Variants in TRPM7 observed in about 807,000 individuals in gnomAD.
TRPM7 encodes LTRPC ion channel family member 7.
TRPM7 carries 134 observed loss-of-function variants against 229.7 expected under a neutral mutation model. The ratio of observed to expected loss-of-function variants is 0.58; its 90% CI spans 0.51 to 0.67. The LOEUF is 0.67. Among genes scored for constraint, TRPM7 ranks in the 30% least tolerant of loss-of-function variants. TRPM7 has a pLI of 0.00. For synonymous variants in TRPM7, 699 were observed against 715.2 expected, an observed-to-expected ratio of 0.98 and a Z score of 0.36; for missense variants, 1,901 against 2,210.0, an observed-to-expected ratio of 0.86 and a Z score of 2.80.
At chr15:50,639,338 A>G (rs1338243829) in intron 6 of TRPM7, 86 bp downstream of exon 6, 2 of 1,170,682 alleles carry the variant, frequency 1.7e-6, no homozygotes, top group African/African-American at 3.1e-5. Flanking sequence ...TAATATAATC[A>G]TAAATATTTT....
intron 1 of TRPM7, among the ~76,000 whole-genome samples, chr15:50,684,175 C>CA (rs1482394622): frequency 1.4e-5 from 2 of 147,242 alleles, no homozygotes; most frequent in African/African-American, 2.5e-5. Flanking sequence ...TTTTCTGAGA[C>CA]AGAGTCTCAC....
rs376123473 is a variant in TRPM7, at chr15:50,677,225, T to C, written c.3+9306A>G. ...GTGAAGAGGGAGTGAATAAGCTCTC[T>C]GGTATCTCTTCTTCTAAGGACATAA... is the stretch of plus-strand genomic sequence containing the variant. On this transcript the variant is annotated intron_variant, in intron 1 of 38. Coordinates refer to ENST00000646667, the MANE Select transcript of TRPM7 (RefSeq NM_017672.6). Among the ~76,000 whole-genome samples, 377 of 152,262 alleles carry C rather than the reference T, an allele frequency of 2.5e-3. 2 individuals carry two copies. The highest frequency in any genetic ancestry group is 8.7e-3 in the African/African-American group (360 of 41,564).
At position 50,637,502 on chromosome 15, in the gene TRPM7, C is replaced by T; in HGVS notation, c.752G>A (p.Gly251Asp). The T allele has an allele frequency of 1.2e-6, 2 of 1,614,072 alleles. No homozygotes were observed. Among genetic ancestry groups the T allele is most frequent in the Non-Finnish European group, 1.7e-6 (2 of 1,179,998 alleles). Residue 251 changes from glycine to aspartate, a missense_variant, in exon 7 of 39, where the codon GGC (glycine) becomes GAC (aspartate). Transcript: ENST00000646667. ...LHSHFILVDD[G>D]TVGKYGAEVR... ...TTCCGCCCCATACTTTCCAACAGTG[C>T]CATCATCCACCAATATGAAATGGGA...
intron 1 of TRPM7, among the ~76,000 whole-genome samples, chr15:50,679,027 C>G (rs1013620248): frequency 2.0e-5 from 3 of 152,110 alleles, no homozygotes; most frequent in African/African-American, 7.2e-5. Context: ...GTGCGTGCCA[C>G]CACGCCCGGC....
chr15:50,613,659 AAAG>A, intron 15 of TRPM7, 45 bp downstream of exon 15: 3 of 1,437,360 alleles, frequency 2.1e-6, no homozygotes, highest in Non-Finnish European at 2.7e-6. Flanking sequence ...AGTAATTTAG[AAAG>A]AAGAAAATAA....
Position 50,607,266 on chromosome 15 carries a change from TA to T in TRPM7, c.2642del (p.Leu881TyrfsTer32). ...TFVVLVQMEQLPSVQEWIVIA... is the reference protein window; with the variant it reads ...TFVVLVQMEQXPSVQEWIVIA... ...TAACAATCCATTCTTGAACTGAAGGTAACTGTTCCATTTGTACAAGAACCAC... is the reference window on the plus strand; with the variant it reads ...TAACAATCCATTCTTGAACTGAAGGTACTGTTCCATTTGTACAAGAACCAC... On this transcript the variant is annotated frameshift_variant, in exon 20 of 39. Transcript: ENST00000646667. LOFTEE classifies it high-confidence loss of function. 1 of 1,608,496 alleles carries T rather than the reference TA, an allele frequency of 6.2e-7. No homozygotes were observed. Among genetic ancestry groups the T allele is most frequent in the Non-Finnish European group, 8.5e-7 (1 of 1,176,978 alleles).
At chr15:50,680,494 G>A (rs1032819959) in intron 1 of TRPM7, among the ~76,000 whole-genome samples, 6 of 151,822 alleles carry the variant, frequency 4.0e-5, no homozygotes, top group African/African-American at 9.7e-5. Flanking sequence ...GCTTGAACCC[G>A]GGAGGCGGAG....
intron 3 of TRPM7, among the ~76,000 whole-genome samples, chr15:50,653,009 G>T (rs143237454): frequency 6.6e-6 from 1 of 152,000 alleles, no homozygotes; most frequent in Non-Finnish European, 1.5e-5. Context: ...AAATTAGCCA[G>T]GCATGGTGGC....
chr15:50,638,996 A>C lies in TRPM7; in HGVS notation c.660+428T>G, dbSNP rs192195203. Among the ~76,000 whole-genome samples the C allele has an allele frequency of 1.9e-3, 292 of 152,316 alleles. 4 individuals are homozygous for C. The highest frequency in any genetic ancestry group is 6.8e-3 in the African/African-American group (282 of 41,580). On this transcript the variant is annotated intron_variant, in intron 6 of 38. Transcript: ENST00000646667. ...CGCCCAGCCAGTAATTCTTTTTAAC[A>C]GTGTTGATAAATATCTATAACCAAT...
At chr15:50,567,519 AC>A (rs2053655063) in intron 38 of TRPM7, among the ~76,000 whole-genome samples, 1 of 152,166 alleles carries the variant, frequency 6.6e-6, no homozygotes, top group African/African-American at 2.4e-5. Flanking sequence ...GCCCCATAAA[AC>A]AAACCTACCA....
intron 23 of TRPM7, among the ~76,000 whole-genome samples, chr15:50,595,258 A>G (rs532451257): frequency 6.6e-6 from 1 of 151,972 alleles, no homozygotes. Flanking sequence ...AAAAATACTC[A>G]GTGTGGGCCG....
At chr15:50,570,188 T>A (rs2053806559) in intron 36 of TRPM7, 33 bp from the exon 37 acceptor site, 1 of 1,442,686 alleles carries the variant, frequency 6.9e-7, no homozygotes. Context: ...GACAAATAAT[T>A]TATATTATAT....
rs535704016 is a variant in TRPM7 at position 50,570,884 on chromosome 15, A to C, written c.5309-729T>G. On this transcript the variant is annotated intron_variant, in intron 36 of 38. Transcript: ENST00000646667. ...AAAAACAAAAACAAAAACAAAAAAC[A>C]AGTGTTTGGGATTTAAGGGAAAAAA... 3.9e-4 allele frequency among the ~76,000 whole-genome samples: 59 copies of C among 151,868 alleles called. 1 individual carries two copies. Among genetic ancestry groups the C allele is most frequent in the Non-Finnish European group, 6.9e-4 (47 of 67,912 alleles).
Position 50,612,887 on chromosome 15 carries a change from T to A in TRPM7, c.1771-58A>T, listed in dbSNP as rs1327331295. ...ATAATAAGGCCATATGAAATTTATG[T>A]CAGTGAAAATTTTAGTAAAATATCT... On this transcript the variant is annotated intron_variant, in intron 15 of 38. Transcript: ENST00000646667. 2.0e-6 allele frequency: 3 copies of A among 1,478,504 alleles called. No homozygotes were observed. In the Admixed American group the frequency reaches 6.6e-5, roughly 33 times the overall value. The allele number at this position is 1,478,504 out of a possible 1,614,324, so 91.6% of individuals were successfully genotyped here.
At chr15:50,614,320 G>A (rs1004694749) in intron 13 of TRPM7, 57 bp from the exon 14 acceptor site, 16 of 1,454,848 alleles carry the variant, frequency 1.1e-5, no homozygotes, top group East Asian at 2.3e-5. Context: ...ATATTGCCAT[G>A]CCCTGCCTAG....
At chr15:50,569,805 T>G in intron 38 of TRPM7, 82 bp downstream of exon 38, 1 of 788,070 alleles carries the variant, frequency 1.3e-6, no homozygotes, top group African/African-American at 1.7e-5. Context: ...CATTAAACAT[T>G]TGTACCTCTG....
intron 31 of TRPM7, chr15:50,578,431 A>G: frequency 2.5e-6 from 1 of 393,906 alleles, no homozygotes; most frequent in Non-Finnish European, 4.5e-6. Context: ...GAAGTGTGAC[A>G]GTAAAGATAT....
chr15:50,654,858 G>A (rs1349031231), intron 3 of TRPM7, among the ~76,000 whole-genome samples: 2 of 149,698 alleles, frequency 1.3e-5, no homozygotes, highest in Non-Finnish European at 3.0e-5. Flanking sequence ...AAAACTACCC[G>A]GGTGTGGCAG....
At chr15:50,620,872 C>T (rs973114732) in intron 12 of TRPM7, among the ~76,000 whole-genome samples, 2 of 151,496 alleles carry the variant, frequency 1.3e-5, no homozygotes, top group Non-Finnish European at 2.9e-5. Context: ...GCGGAGGTTG[C>T]GGTAAGCCGA....
Sources: gnomAD v4.1 joint callset for allele counts (sites outside exome capture counted in the v4.1 genomes callset) on GRCh38, gnomAD v4.1.1 for gene constraint, MANE v1.5 for transcripts, NCBI Gene and HGNC (gene_info 2026-07-23, HGNC 2026-07-21) for gene names.